Variants in PICALM observed in about 807,000 individuals in gnomAD.
PICALM encodes phosphatidylinositol-binding clathrin assembly protein.
A neutral mutation model predicts 80.5 loss-of-function variants in PICALM; 40 were observed. The ratio of observed to expected loss-of-function variants is 0.50; its 90% confidence interval spans 0.39 to 0.65. The LOEUF (loss-of-function observed/expected upper bound fraction) is 0.65. PICALM is among the 30% of genes least tolerant of loss of function. The pLI is 0.00. For missense variants in PICALM, 676 were observed against 778.9 expected, an observed-to-expected ratio of 0.87 and a Z score of 1.57; for synonymous variants, 288 against 260.3, an observed-to-expected ratio of 1.11 and a Z score of -1.02.
At position 86,031,461 on chromosome 11, in the gene PICALM, C is replaced by G. The variant is rs2095751128; in HGVS notation, c.273+8G>C. On this transcript the variant is annotated splice_region_variant and intron_variant, in intron 2 of 19. Coordinates refer to ENST00000393346, the MANE Select transcript of PICALM (RefSeq NM_007166.4). ...TCAGTATACTTGTTCAATAAAAATTCTGCTTACCTCATTTCCATACACCAT... is the reference window on the plus strand; with the variant it reads ...TCAGTATACTTGTTCAATAAAAATTGTGCTTACCTCATTTCCATACACCAT... 6.2e-7 allele frequency: 1 copy of G among 1,603,482 alleles called. No homozygotes were observed.
upstream of PICALM, chr11:86,069,565 C>G (rs1335353424): frequency 4.6e-5 from 7 of 152,270 alleles, no homozygotes; most frequent in African/African-American, 1.7e-4. Context: ...TCTGGCTCCC[C>G]GAGCTTTCCC....
At chr11:86,017,803 TC>T (rs1263308844) in intron 4 of PICALM, among the ~76,000 whole-genome samples, 1 of 152,202 alleles carries the variant, frequency 6.6e-6, no homozygotes. Flanking sequence ...TAATAAAATA[TC>T]CTTGTTTTTA....
At chr11:86,038,770 C>T (rs1218987935) in intron 1 of PICALM, among the ~76,000 whole-genome samples, 1 of 149,960 alleles carries the variant, frequency 6.7e-6, no homozygotes, top group Non-Finnish European at 1.5e-5. Flanking sequence ...GAGCGAGACT[C>T]CATCTCAGAA....
At chr11:86,020,331 A>C (rs1444922320) in intron 4 of PICALM, among the ~76,000 whole-genome samples, 1 of 151,966 alleles carries the variant, frequency 6.6e-6, no homozygotes, top group East Asian at 1.9e-4. Flanking sequence ...ATCCCCCACA[A>C]AATCCCAGCT....
intron 12 of PICALM, among the ~76,000 whole-genome samples, chr11:85,992,900 A>T (rs2094834097): frequency 6.6e-6 from 1 of 152,236 alleles, no homozygotes; most frequent in African/African-American, 2.4e-5. Context: ...ATTCATAATT[A>T]GATCAATCAG....
chr11:86,015,025 T>A, intron 4 of PICALM, 62 bp from the exon 5 acceptor site: 1 of 969,730 alleles, frequency 1.0e-6, no homozygotes, highest in East Asian at 2.7e-5. Context: ...CATTTCAAAC[T>A]CCCCCCCTGG....
At chr11:85,987,387 T>C (rs545892278) in intron 13 of PICALM, among the ~76,000 whole-genome samples, 50 of 152,142 alleles carry the variant, frequency 3.3e-4, no homozygotes, top group African/African-American at 1.2e-3. Flanking sequence ...CCTTACATAA[T>C]ATAGTAAGTA....
At chr11:86,059,067 T>C (rs1176715653) in intron 1 of PICALM, among the ~76,000 whole-genome samples, 1 of 152,174 alleles carries the variant, frequency 6.6e-6, no homozygotes, top group African/African-American at 2.4e-5. Flanking sequence ...GAAACAGTAA[T>C]TTGTTATGTT....
chr11:86,058,160 T>G (rs1394264334), intron 1 of PICALM, among the ~76,000 whole-genome samples: 1 of 117,070 alleles, frequency 8.5e-6, no homozygotes, highest in African/African-American at 3.6e-5. Context: ...ATATAAGGTG[T>G]ATTTAAAATA....
At chr11:85,979,211 T>C (rs1358992144) in intron 17 of PICALM, among the ~76,000 whole-genome samples, 1 of 152,156 alleles carries the variant, frequency 6.6e-6, no homozygotes, top group Non-Finnish European at 1.5e-5. Context: ...GATGATAGGC[T>C]GGGCGTGGTA....
chr11:86,007,343 G>C (rs2095299673), intron 8 of PICALM, 199 bp downstream of exon 8: 1 of 339,504 alleles, frequency 2.9e-6, no homozygotes, highest in Non-Finnish European at 5.6e-6. Context: ...CAGTGGGTAG[G>C]CAACAAATAT....
chr11:85,988,820 T>TA (rs2094668633), intron 13 of PICALM, among the ~76,000 whole-genome samples: 1 of 152,272 alleles, frequency 6.6e-6, no homozygotes, highest in Non-Finnish European at 1.5e-5. Flanking sequence ...CATGAAGTAT[T>TA]AAAAAAACAT....
intron 17 of PICALM, among the ~76,000 whole-genome samples, chr11:85,979,649 A>G (rs763529166): frequency 6.6e-6 from 1 of 152,204 alleles, no homozygotes; most frequent in African/African-American, 2.4e-5. Flanking sequence ...TAAAATGCAC[A>G]AATTTTAACA....
chr11:86,034,695 T>A (rs1215738156), intron 1 of PICALM, among the ~76,000 whole-genome samples: 1 of 152,122 alleles, frequency 6.6e-6, no homozygotes, highest in East Asian at 1.9e-4. Flanking sequence ...ACGTAGGTTC[T>A]CTGCTTTAGG....
At chr11:85,993,912 G>C (rs1182153952) in intron 12 of PICALM, among the ~76,000 whole-genome samples, 2 of 151,932 alleles carry the variant, frequency 1.3e-5, no homozygotes, top group Non-Finnish European at 2.9e-5. Flanking sequence ...TAGAGACAAG[G>C]TATTGCTATA....
At chr11:86,059,604 C>G (rs529888798) in intron 1 of PICALM, among the ~76,000 whole-genome samples, 22 of 152,176 alleles carry the variant, frequency 1.4e-4, no homozygotes, top group African/African-American at 4.6e-4. Flanking sequence ...GAAAGAGACC[C>G]CTTTCTCTTT....
At chr11:85,981,045 G>C in intron 17 of PICALM, 84 bp downstream of exon 17, 1 of 722,358 alleles carries the variant, frequency 1.4e-6, no homozygotes, top group Non-Finnish European at 2.5e-6. Context: ...TTCTATTTAT[G>C]TCTATCACTT....
intron 14 of PICALM, among the ~76,000 whole-genome samples, chr11:85,983,224 A>T (rs2094493581): frequency 6.6e-6 from 1 of 152,240 alleles, no homozygotes; most frequent in Non-Finnish European, 1.5e-5. Flanking sequence ...ATCAAAGGCC[A>T]TCCGATGGTA....
chr11:85,990,175 ATAAT>A, intron 13 of PICALM, 71 bp downstream of exon 13: 1 of 774,370 alleles, frequency 1.3e-6, no homozygotes, highest in Non-Finnish European at 2.0e-6. Context: ...TGCTTTTAAA[ATAAT>A]TAATGGACAC....
Sources: allele counts gnomAD v4.1 joint callset (sites outside exome capture counted in the v4.1 genomes callset), GRCh38; gene constraint gnomAD v4.1.1; transcripts MANE v1.5; gene names NCBI Gene and HGNC (gene_info 2026-07-23, HGNC 2026-07-21).